Variants in ANK3 observed in about 807,000 individuals in gnomAD.
ANK3 encodes the protein ankyrin-3.
ANK3 carries 57 observed loss-of-function variants against 370.9 expected under a neutral mutation model. That is an observed-to-expected ratio of 0.15 (90% CI 0.12 to 0.19). ANK3 has a LOEUF of 0.19. ANK3 is among the 10% of genes least tolerant of loss of function. The pLI is 1.00. For missense variants in ANK3, 4,439 were observed against 5,302.1 expected (o/e 0.84, Z 5.06); for synonymous variants, 1,929 against 1,946.3 (o/e 0.99, Z 0.23).
chr10:60,683,781 G>T (rs939807034), intron 1 of ANK3, among the ~76,000 whole-genome samples: 1 of 152,132 alleles, frequency 6.6e-6, no homozygotes, highest in Non-Finnish European at 1.5e-5. Context: ...CTACACCCAG[G>T]TCTTCAATTC....
intron 36 of ANK3, among the ~76,000 whole-genome samples, 177 bp from the exon 37 acceptor site, chr10:60,076,625 A>T (rs1236503132): frequency 1.3e-5 from 2 of 150,090 alleles, no homozygotes; most frequent in East Asian, 4.0e-4. Flanking sequence ...GGAAAAACAA[A>T]TTTCTACAGA....
intron 28 of ANK3, among the ~76,000 whole-genome samples, chr10:60,094,698 C>CA (rs879827729): frequency 4.3e-4 from 63 of 146,694 alleles, no homozygotes; most frequent in East Asian, 3.2e-3. Flanking sequence ...TTGCATAAGT[C>CA]AAAAAAAAAA....
chr10:60,473,157 T>A (rs567107948), intron 2 of ANK3, among the ~76,000 whole-genome samples: 1 of 152,276 alleles, frequency 6.6e-6, no homozygotes, highest in East Asian at 1.9e-4. Context: ...TTTCGTAATA[T>A]CCACAGACAT....
intron 2 of ANK3, among the ~76,000 whole-genome samples, chr10:60,473,882 T>C (rs1275548037): frequency 4.0e-5 from 6 of 149,954 alleles, no homozygotes; most frequent in Non-Finnish European, 7.4e-5. Flanking sequence ...TTGTAATCAG[T>C]ACTTTGGAAG....
chr10:60,340,314 T>C (rs564122506), intron 1 of ANK3, among the ~76,000 whole-genome samples: 97 of 152,284 alleles, frequency 6.4e-4, no homozygotes, highest in African/African-American at 2.2e-3. Context: ...GCTCATTGCA[T>C]CTTTGAACTA....
chr10:60,051,529 T>C (rs2077997157), intron 42 of ANK3: 8 of 985,700 alleles, frequency 8.1e-6, no homozygotes, highest in Non-Finnish European at 9.6e-6. Context: ...GCTCTTCCTC[T>C]GAGCTTGAAT....
intron 1 of ANK3, among the ~76,000 whole-genome samples, chr10:60,719,228 A>G (rs1394140442): frequency 6.6e-6 from 1 of 152,148 alleles, no homozygotes; most frequent in Admixed American, 6.5e-5. Flanking sequence ...AACCATAAAT[A>G]TATTCAACCA....
At chr10:60,245,630 T>G (rs528002729) in intron 7 of ANK3, among the ~76,000 whole-genome samples, 2 of 152,358 alleles carry the variant, frequency 1.3e-5, no homozygotes, top group South Asian at 4.1e-4. Flanking sequence ...CTTCTTTCAC[T>G]TAGCATGTTT....
intron 1 of ANK3, among the ~76,000 whole-genome samples, chr10:60,672,871 T>C (rs72811830): frequency 0.016 from 2,451 of 152,268 alleles, 24 homozygotes; most frequent in Non-Finnish European, 0.027. Flanking sequence ...CAGAATTTAA[T>C]TGAAGTATAG....
chr10:60,694,146 T>C (rs1308623087), intron 1 of ANK3, among the ~76,000 whole-genome samples: 3 of 151,932 alleles, frequency 2.0e-5, no homozygotes, highest in Non-Finnish European at 4.4e-5. Context: ...AGAAAGGGTA[T>C]CAGTGATGGA....
At chr10:60,301,339 T>C (rs1247449388) in intron 1 of ANK3, among the ~76,000 whole-genome samples, 1 of 118,902 alleles carries the variant, frequency 8.4e-6, no homozygotes, top group African/African-American at 2.7e-5. Context: ...TATATATACA[T>C]ATATATACAC....
intron 42 of ANK3, chr10:60,044,035 T>C (rs540885829): frequency 1.0e-6 from 1 of 985,802 alleles, no homozygotes; most frequent in African/African-American, 1.7e-5. Context: ...CACAAAGCTT[T>C]TGTCCTCTAC....
Position 60,073,937 on chromosome 10 carries a change from T to C in ANK3, c.6944A>G (p.His2315Arg), listed in dbSNP as rs1199515200. Residue 2315 changes from histidine (H) to arginine (R), a missense_variant, in exon 37 of 44, where the codon CAT becomes CGT. By Grantham distance (29) the His-to-Arg change is conservative. This residue lies in a region of ANK3 where 1,601 missense variants were observed against 1,731.7 expected (regional missense o/e 0.92). Coordinates refer to ENST00000280772, the MANE Select transcript of ANK3 (RefSeq NM_020987.5). The part of the protein sequence containing the change: ...HKSAAETSAQ[H>R]AEKDNQMKPK... The stretch of plus-strand genomic sequence containing the variant: ...TTTCATTTGGTTGTCCTTCTCTGCA[T>C]GCTGGGCTGAGGTTTCAGCAGCAGA... 6.2e-7 allele frequency: 1 copy of C among 1,614,102 alleles called. No homozygotes were observed. The highest frequency in any genetic ancestry group is 1.1e-5 in the South Asian group (1 of 91,078).
chr10:60,360,518 G>C lies in ANK3; in HGVS notation c.114+28907C>G, dbSNP rs1594476546. On this transcript the variant is annotated intron_variant, in intron 1 of 43. Transcript: ENST00000280772. ...GAGCCCGGGAGTTTGAGACCAGCCT[G>C]GATAACATAGTAAGACCCTGTCTCT... is the stretch of plus-strand genomic sequence containing the variant. 3.9e-5 allele frequency among the ~76,000 whole-genome samples: 6 copies of C among 152,240 alleles called. No homozygotes were observed. The South Asian group carries it at 1.0e-3, about 26-fold the overall frequency.
chr10:60,237,464 C>T (rs536799380), intron 7 of ANK3, among the ~76,000 whole-genome samples: 1 of 152,134 alleles, frequency 6.6e-6, no homozygotes, highest in Non-Finnish European at 1.5e-5. Context: ...ACTTAATTAA[C>T]CTTTATCACA....
At chr10:60,136,083 T>C (rs1030634491) in intron 24 of ANK3, among the ~76,000 whole-genome samples, 1 of 151,734 alleles carries the variant, frequency 6.6e-6, no homozygotes, top group Non-Finnish European at 1.5e-5. Context: ...ATGGGACCCA[T>C]TACTCTCTTT....
At chr10:60,589,722 T>C (rs1001819468) in intron 2 of ANK3, among the ~76,000 whole-genome samples, 15 of 152,252 alleles carry the variant, frequency 9.9e-5, no homozygotes, top group African/African-American at 3.4e-4. Context: ...CTTGTAATTC[T>C]TTCCTTTCAA....
intron 24 of ANK3, 95 bp downstream of exon 24, chr10:60,138,869 C>A: frequency 6.6e-7 from 1 of 1,506,948 alleles, no homozygotes; most frequent in Non-Finnish European, 9.1e-7. Context: ...CCAAAGAACA[C>A]ATTTTGGGAT....
intron 2 of ANK3, among the ~76,000 whole-genome samples, chr10:60,455,655 T>C (rs1252039180): frequency 6.6e-6 from 1 of 152,190 alleles, no homozygotes; most frequent in Non-Finnish European, 1.5e-5. Context: ...GAGGTGACTA[T>C]AATTTTAATT....
Sources: gnomAD v4.1 joint callset for allele counts (sites outside exome capture counted in the v4.1 genomes callset) on GRCh38, gnomAD v4.1.1 for gene constraint, gnomAD v4.1.1 regional missense constraint, MANE v1.5 for transcripts, NCBI Gene and HGNC (gene_info 2026-07-23, HGNC 2026-07-21) for gene names.